NCOA1: variants seen among roughly 807,000 people sequenced by gnomAD.
NCOA1 encodes the protein Hin-2 protein.
A neutral mutation model predicts 150.9 loss-of-function variants in NCOA1; 35 were observed. The observed-to-expected ratio is 0.23, with a 90% CI of 0.18 to 0.31. NCOA1 has a LOEUF of 0.31. Among genes scored for constraint, NCOA1 ranks in the 10% least tolerant of loss-of-function variants. The pLI, the probability that NCOA1 is intolerant of heterozygous loss-of-function variation, is 1.00. For synonymous variants in NCOA1, 590 were observed against 630.0 expected, an observed-to-expected ratio of 0.94 and a Z score of 0.95; for missense variants, 1,491 against 1,749.3, an observed-to-expected ratio of 0.85 and a Z score of 2.63.
intron 20 of NCOA1, among the ~76,000 whole-genome samples, chr2:24,755,605 A>T (rs1407123344): frequency 6.6e-6 from 1 of 152,230 alleles, no homozygotes; most frequent in Non-Finnish European, 1.5e-5. Flanking sequence ...GGGCCTGTGA[A>T]TGTTGGACTT....
chr2:24,522,562 C>T (rs920437799), intron 1 of NCOA1, among the ~76,000 whole-genome samples: 6 of 152,116 alleles, frequency 3.9e-5, no homozygotes, highest in South Asian at 2.1e-4. Flanking sequence ...GTACACCAGA[C>T]GGAGTGCCCA....
At chr2:24,746,100 T>C (rs1041794820) in intron 19 of NCOA1, among the ~76,000 whole-genome samples, 4 of 152,236 alleles carry the variant, frequency 2.6e-5, no homozygotes, top group Non-Finnish European at 5.9e-5. Context: ...CCATTGTTTC[T>C]CCAGTGCTTA....
At chr2:24,629,809 CATACATACATATAT>C (rs1432812359) in intron 3 of NCOA1, among the ~76,000 whole-genome samples, 10 of 97,362 alleles carry the variant, frequency 1.0e-4, no homozygotes, top group African/African-American at 4.5e-4. Context: ...TTTTAAGTAA[CATACATACATATAT>C]ATATATATAT....
rs554055730 is a variant in NCOA1, at chr2:24,658,140, G to A, written c.-17-521G>A. Among the ~76,000 whole-genome samples the A allele has an allele frequency of 8.5e-4, 129 of 152,268 alleles. 1 individual carries two copies. The highest frequency in any genetic ancestry group is 3.1e-3 in the African/African-American group (127 of 41,558). ...AGGTTAGGAGTATAGAACTCACAGC[G>A]TACAATTCAAAATCTAAATCTAGTT... On this transcript the variant is annotated intron_variant, in intron 4 of 22. Transcript: ENST00000348332.
At chr2:24,592,091 G>A (rs1667680507) in intron 3 of NCOA1, among the ~76,000 whole-genome samples, 1 of 152,126 alleles carries the variant, frequency 6.6e-6, no homozygotes, top group African/African-American at 2.4e-5. Flanking sequence ...GTTCTCAAAT[G>A]TGAAAGGAAT....
intron 2 of NCOA1, among the ~76,000 whole-genome samples, chr2:24,567,108 A>G (rs567498654): frequency 7.9e-5 from 12 of 152,360 alleles, no homozygotes; most frequent in Admixed American, 5.2e-4. Context: ...TGCCTCAGCT[A>G]CAATAAATGG....
At chr2:24,686,466 A>C (rs2148548276) in intron 8 of NCOA1, among the ~76,000 whole-genome samples, 1 of 152,298 alleles carries the variant, frequency 6.6e-6, no homozygotes, top group South Asian at 2.1e-4. Flanking sequence ...TTAAGAAAGG[A>C]CTTGCATGAA....
rs183739904 is a variant in NCOA1, at chr2:24,750,918, G to C, written c.3707-1064G>C. ...GATTAAGTCTGAATAAAGCTTAAAAGGGGGAAGGAGGGGGGGAAGAGTGGC... is the reference window on the plus strand; with the variant it reads ...GATTAAGTCTGAATAAAGCTTAAAACGGGGAAGGAGGGGGGGAAGAGTGGC... On this transcript the variant is annotated intron_variant, in intron 19 of 22. Coordinates refer to ENST00000348332, the MANE Select transcript of NCOA1 (RefSeq NM_003743.5). Among the ~76,000 whole-genome samples the C allele has an allele frequency of 2.0e-4, 30 of 151,848 alleles. No individual in the cohort carries two copies. In the East Asian group the frequency reaches 5.2e-3, roughly 27 times the overall value.
chr2:24,684,305 T>C (rs553048080), intron 8 of NCOA1, among the ~76,000 whole-genome samples: 105 of 152,330 alleles, frequency 6.9e-4, no homozygotes, highest in African/African-American at 2.4e-3. Flanking sequence ...ACAAGATATT[T>C]GTTGGGTTTA....
chr2:24,524,618 A>G (rs546655252), intron 1 of NCOA1, among the ~76,000 whole-genome samples: 18 of 151,280 alleles, frequency 1.2e-4, no homozygotes, highest in African/African-American at 4.4e-4. Flanking sequence ...GTATATATAT[A>G]TTTTTTGAGA....
intron 14 of NCOA1, among the ~76,000 whole-genome samples, chr2:24,718,571 C>T (rs2148619289): frequency 6.6e-6 from 1 of 152,068 alleles, no homozygotes; most frequent in Middle Eastern, 3.4e-3. Context: ...GTGGCTCACA[C>T]CTGTAATCCC....
chr2:24,654,521 A>G (rs544626394), intron 4 of NCOA1, among the ~76,000 whole-genome samples: 92 of 152,332 alleles, frequency 6.0e-4, no homozygotes, highest in African/African-American at 2.1e-3. Flanking sequence ...TTCAGATACC[A>G]AATTACTAAG....
At chr2:24,690,089 T>G (rs1212233311) in intron 8 of NCOA1, among the ~76,000 whole-genome samples, 1 of 152,222 alleles carries the variant, frequency 6.6e-6, no homozygotes, top group Non-Finnish European at 1.5e-5. Flanking sequence ...TTGAATCAAG[T>G]ATCAAGGTAT....
chr2:24,637,638 A>C (rs1669998966), intron 3 of NCOA1, among the ~76,000 whole-genome samples: 1 of 150,564 alleles, frequency 6.6e-6, no homozygotes, highest in Non-Finnish European at 1.5e-5. Flanking sequence ...AGCATTCATT[A>C]CCTTCCTTCT....
At chr2:24,589,478 A>G (rs1283619514) in intron 3 of NCOA1, among the ~76,000 whole-genome samples, 3 of 152,176 alleles carry the variant, frequency 2.0e-5, no homozygotes, top group Non-Finnish European at 4.4e-5. Context: ...CATTTCCTAA[A>G]TGTACCTTCT....
intron 1 of NCOA1, among the ~76,000 whole-genome samples, chr2:24,534,411 A>AT (rs200366201): frequency 0.055 from 7,953 of 145,392 alleles, 347 homozygotes; most frequent in African/African-American, 0.13. Flanking sequence ...GGATTCATTG[A>AT]TTTTTTTTTT....
chr2:24,665,799 C>G lies in NCOA1; in HGVS notation c.140C>G (p.Ala47Gly). ...GAAAATAAATATTTAGAAGAACTAG[C>G]TGAGTTACTGTCTGCCAACATTAGT... The part of the protein sequence containing the change: ...EQENKYLEEL[A>G]ELLSANISDI... The change falls in exon 6 of 23, where the codon GCT (alanine) becomes GGT (glycine). Residue 47 changes from alanine to glycine, a missense_variant. Around this residue, in one of 8 missense-constraint regions of NCOA1, gnomAD observed 80 missense variants for 163.0 expected, o/e 0.49. Coordinates refer to ENST00000348332, the MANE Select transcript of NCOA1 (RefSeq NM_003743.5). 1 of 1,602,528 alleles carries G rather than the reference C, an allele frequency of 6.2e-7. No individual in the cohort carries two copies. The highest frequency in any genetic ancestry group is 2.3e-5 in the East Asian group (1 of 44,206).
chr2:24,682,603 A>G (rs144217652), intron 7 of NCOA1, among the ~76,000 whole-genome samples: 50 of 152,064 alleles, frequency 3.3e-4, no homozygotes, highest in Non-Finnish European at 5.4e-4. Context: ...TTTTTGTGCT[A>G]TGCTCTCTCC....
intron 19 of NCOA1, among the ~76,000 whole-genome samples, chr2:24,747,144 A>G (rs1262487294): frequency 1.3e-5 from 2 of 152,032 alleles, no homozygotes; most frequent in Non-Finnish European, 2.9e-5. Flanking sequence ...GTCATCTTCT[A>G]AGGGAAACTG....
Sources: gnomAD v4.1 joint callset for allele counts (sites outside exome capture counted in the v4.1 genomes callset) on GRCh38, gnomAD v4.1.1 for gene constraint, gnomAD v4.1.1 regional missense constraint, MANE v1.5 for transcripts, NCBI Gene and HGNC (gene_info 2026-07-23, HGNC 2026-07-21) for gene names.